GCA: variants seen among roughly 807,000 people sequenced by gnomAD.
GCA encodes the protein grancalcin, EF-hand calcium-binding protein.
GCA carries 30 observed loss-of-function variants against 32.6 expected under a neutral mutation model. That is an observed-to-expected ratio of 0.92 (90% CI 0.69 to 1.25). GCA has a LOEUF of 1.25. Ranked by LOEUF, GCA falls within the 50% of genes most tolerant of loss-of-function variation. GCA has a pLI of 0.00. For missense variants in GCA, 291 were observed against 266.8 expected, an observed-to-expected ratio of 1.09 and a Z score of -0.63; for synonymous variants, 102 against 84.6, an observed-to-expected ratio of 1.21 and a Z score of -1.13.
In GCA at chr2:162,361,683, T is replaced by C. The variant is rs1685578647; in HGVS notation, c.*1440T>C. 1.0e-6 allele frequency: 1 copy of C among 983,856 alleles called. No homozygotes were observed. The highest frequency in any genetic ancestry group is 1.2e-6 in the Non-Finnish European group (1 of 828,768). 60.9% of individuals were successfully genotyped at this position (983,856 alleles called of 1,614,324 possible). On this transcript the variant is annotated 3_prime_UTR_variant, in exon 8 of 8. Transcript: ENST00000437150. Reference sequence around the variant, plus strand: ...TGTCAAATTCACTTGGTCAGTTTTATAAAAATGTGTGAATAGGTAATACAC... The same window carrying C: ...TGTCAAATTCACTTGGTCAGTTTTACAAAAATGTGTGAATAGGTAATACAC...
upstream of GCA, among the ~76,000 whole-genome samples, chr2:162,340,951 A>C (rs1684422706): frequency 6.6e-6 from 1 of 151,598 alleles, no homozygotes; most frequent in Admixed American, 6.6e-5. Context: ...TCATCTCCCT[A>C]CCCCTTAACC....
Position 162,361,419 on chromosome 2 carries a change from A to G in GCA, c.*1176A>G. On this transcript the variant is annotated 3_prime_UTR_variant, in exon 8 of 8. Coordinates refer to ENST00000437150, the MANE Select transcript of GCA (RefSeq NM_012198.5). ...ATTTAATAAACCACTTATTTTTCTTATGCTTTAAATGTGTATTTTCTAACC... is the reference window on the plus strand; with the variant it reads ...ATTTAATAAACCACTTATTTTTCTTGTGCTTTAAATGTGTATTTTCTAACC... 2.0e-6 allele frequency: 2 copies of G among 978,946 alleles called. No individual in the cohort carries two copies. The highest frequency in any genetic ancestry group is 2.4e-6 in the Non-Finnish European group (2 of 824,284). 60.6% of individuals were successfully genotyped at this position (978,946 alleles called of 1,614,324 possible).
At chr2:162,326,167 C>A (rs1683868982) in intron 1 of GCA, among the ~76,000 whole-genome samples, 1 of 152,154 alleles carries the variant, frequency 6.6e-6, no homozygotes, top group Admixed American at 6.5e-5. Flanking sequence ...TTGGATCAAT[C>A]CTACATTGTC....
downstream of GCA, chr2:162,372,012 T>A: frequency 6.2e-7 from 1 of 1,613,664 alleles, no homozygotes; most frequent in Non-Finnish European, 8.5e-7. Flanking sequence ...AGTTGTCTTC[T>A]GAAGCTGTGT....
intron 3 of GCA, among the ~76,000 whole-genome samples, chr2:162,354,575 C>T (rs1334016831): frequency 6.6e-6 from 1 of 152,138 alleles, no homozygotes; most frequent in African/African-American, 2.4e-5. Context: ...CTTAGGTAGA[C>T]ATTCAGCCAA....
rs1684344242 is a variant in GCA at position 162,338,503 on chromosome 2, T to C, written c.-30-9075T>C. 3.3e-5 allele frequency among the ~76,000 whole-genome samples: 5 copies of C among 152,322 alleles called. No homozygotes were observed. The South Asian group carries it at 1.0e-3, about 32-fold the overall frequency. ...TTTATATATTTCTAGAGAGTCAGCT[T>C]TGTGGGTGTATCAAACCCATGTTAT... On this transcript the variant is annotated intron_variant, in intron 1 of 4. Coordinates refer to the GCA transcript ENST00000429691.
intron 1 of GCA, among the ~76,000 whole-genome samples, chr2:162,323,050 C>T (rs1478522094): frequency 6.6e-6 from 1 of 151,882 alleles, no homozygotes; most frequent in African/African-American, 2.4e-5. Flanking sequence ...CCTATTTCTC[C>T]ACATCCTCTC....
intron 1 of GCA, among the ~76,000 whole-genome samples, chr2:162,335,650 C>A (rs1481197493): frequency 1.3e-5 from 2 of 152,128 alleles, no homozygotes; most frequent in East Asian, 1.9e-4. Context: ...CCAATAAATT[C>A]TCTTGTTTAG....
At chr2:162,347,848 A>G (rs1271144273) in intron 2 of GCA, 106 bp downstream of exon 2, 1 of 601,146 alleles carries the variant, frequency 1.7e-6, no homozygotes, top group Admixed American at 3.8e-5. Context: ...TTTATATTTT[A>G]TATGTATCTA....
In GCA at chr2:162,361,008, G is replaced by A. The variant is rs977080870; in HGVS notation, c.*765G>A. 3.8e-6 allele frequency: 4 copies of A among 1,048,046 alleles called. No homozygotes were observed. In the African/African-American group the frequency reaches 6.6e-5, roughly 17 times the overall value. 64.9% of individuals were successfully genotyped at this position (1,048,046 alleles called of 1,614,324 possible). On this transcript the variant is annotated 3_prime_UTR_variant, in exon 8 of 8. Coordinates refer to ENST00000437150, the MANE Select transcript of GCA (RefSeq NM_012198.5). ...CTCTGAATCTAGACTTTTTAGAAAT[G>A]GCATATGTTTTTGATGATATGTCAA...
At chr2:162,346,559 C>A (rs965520121) in intron 1 of GCA, 1 of 152,228 alleles carries the variant, frequency 6.6e-6, no homozygotes, top group Non-Finnish European at 1.5e-5. Flanking sequence ...AGAGGACTGG[C>A]AGCTTCTCTT....
rs772671473 is a variant in GCA, at chr2:162,344,246, G to T, written c.-3G>T. On this transcript the variant is annotated 5_prime_UTR_variant, in exon 1 of 8. Transcript: ENST00000437150. The stretch of plus-strand genomic sequence containing the variant: ...GACGCTCGCTCCGCTCGTCCCGCTC[G>T]TCATGGCCTACCCGGGATACGGAGG... 8 of 1,613,622 alleles carry T rather than the reference G, an allele frequency of 5.0e-6. No homozygotes were observed. The highest frequency in any genetic ancestry group is 4.5e-5 in the East Asian group (2 of 44,864).
At chr2:162,356,552 A>T in intron 4 of GCA, 71 bp downstream of exon 4, 2 of 981,010 alleles carry the variant, frequency 2.0e-6, no homozygotes, top group Non-Finnish European at 3.3e-6. Context: ...GCCAGTGGTT[A>T]GATTTCAGTG....
Position 162,362,068 on chromosome 2 carries a change from AAAAATGTTCTTATGACTTTTGGTCAT to A in GCA, c.*1827_*1852del. The A allele has an allele frequency of 1.0e-6, 1 of 982,614 alleles. No homozygotes were observed. The highest frequency in any genetic ancestry group is 1.2e-6 in the Non-Finnish European group (1 of 827,580). 60.9% of individuals were successfully genotyped at this position (982,614 alleles called of 1,614,324 possible). ...GAACTCTTTAACACAATTTTCATTT[AAAAATGTTCTTATGACTTTTGGTCAT>A]AGAAGGTCTATGAAGGAGCTTCCAT... On this transcript the variant is annotated 3_prime_UTR_variant, in exon 8 of 8. Coordinates refer to ENST00000437150, the MANE Select transcript of GCA (RefSeq NM_012198.5).
intron 1 of GCA, among the ~76,000 whole-genome samples, chr2:162,336,614 TG>T (rs769013987): frequency 6.6e-6 from 1 of 152,110 alleles, no homozygotes; most frequent in Non-Finnish European, 1.5e-5. Flanking sequence ...ACTATAATCC[TG>T]GAAGTTGAAT....
intron 1 of GCA, among the ~76,000 whole-genome samples, chr2:162,324,731 C>T (rs910835482): frequency 1.3e-5 from 2 of 152,160 alleles, no homozygotes; most frequent in East Asian, 1.9e-4. Context: ...TCCCTTTCCC[C>T]TTTCTGTATC....
intron 1 of GCA, among the ~76,000 whole-genome samples, chr2:162,332,073 G>C (rs549731219): frequency 6.6e-6 from 1 of 152,058 alleles, no homozygotes; most frequent in African/African-American, 2.4e-5. Context: ...ACTTTGGCAG[G>C]CCGAGGCAGG....
intron 1 of GCA, among the ~76,000 whole-genome samples, chr2:162,320,355 T>A (rs1683618658): frequency 6.6e-6 from 1 of 152,210 alleles, no homozygotes; most frequent in African/African-American, 2.4e-5. Flanking sequence ...TCTATGAAAA[T>A]ATCTTTTAAG....
chr2:162,346,182 ATGT>A (rs1426840483), intron 1 of GCA, among the ~76,000 whole-genome samples: 4 of 152,174 alleles, frequency 2.6e-5, no homozygotes, highest in Admixed American at 2.6e-4. Flanking sequence ...TTGTTTGTAC[ATGT>A]TGTATTATAC....
Sources: allele counts gnomAD v4.1 joint callset (sites outside exome capture counted in the v4.1 genomes callset), GRCh38; gene constraint gnomAD v4.1.1; transcripts MANE v1.5; gene names NCBI Gene and HGNC (gene_info 2026-07-23, HGNC 2026-07-21).